DLG2: variants seen among roughly 807,000 people sequenced by gnomAD.
DLG2 encodes disks large homolog 2.
Under a neutral mutation model 132.5 loss-of-function variants are expected in DLG2, and 45 were observed. The ratio of observed to expected loss-of-function variants is 0.34; its 90% CI spans 0.27 to 0.44. DLG2 has a LOEUF of 0.44. DLG2 is among the 20% of genes least tolerant of loss of function. The probability of loss-of-function intolerance (pLI) is 1.00; values close to 1 mark genes in which losing one functional copy is unlikely to be tolerated. For synonymous variants in DLG2, 424 were observed against 419.6 expected (o/e 1.01, Z -0.13); for missense variants, 1,045 against 1,196.9 (o/e 0.87, Z 1.87).
intron 6 of DLG2, among the ~76,000 whole-genome samples, chr11:85,107,421 T>A (rs886586625): frequency 1.3e-5 from 2 of 152,060 alleles, no homozygotes; most frequent in Non-Finnish European, 2.9e-5. Flanking sequence ...TCAAAATGAT[T>A]AAATCCATGC....
At chr11:84,642,645 G>A (rs973190624) in intron 6 of DLG2, among the ~76,000 whole-genome samples, 2 of 152,138 alleles carry the variant, frequency 1.3e-5, no homozygotes, top group African/African-American at 4.8e-5. Context: ...AAGCAGAAGA[G>A]AAGACATGTA....
In DLG2 at chr11:84,043,110, A is replaced by C. The variant is rs573707879; in HGVS notation, c.919+16205T>G. Among the ~76,000 whole-genome samples the C allele has an allele frequency of 7.3e-5, 11 of 151,724 alleles. No homozygotes were observed. In the East Asian group the frequency reaches 1.4e-3, roughly 19 times the overall value. ...TTTATTGCCTAAATAAATTAATTAA[A>C]AATTTATTGCTTAAATTTATTTAAG... On this transcript the variant is annotated intron_variant, in intron 11 of 27. Transcript: ENST00000376104.
intron 17 of DLG2, among the ~76,000 whole-genome samples, 199 bp downstream of exon 17, chr11:83,833,415 G>A (rs1019803668): frequency 6.6e-6 from 1 of 152,128 alleles, no homozygotes; most frequent in Admixed American, 6.5e-5. Flanking sequence ...TCCAGCCTGG[G>A]CAACAGACAG....
intron 6 of DLG2, among the ~76,000 whole-genome samples, chr11:84,801,968 A>C (rs1036918087): frequency 1.3e-5 from 2 of 152,182 alleles, no homozygotes; most frequent in Non-Finnish European, 2.9e-5. Context: ...GCACATTTCT[A>C]AAAAACTGAC....
intron 3 of DLG2, among the ~76,000 whole-genome samples, chr11:85,475,989 T>C (rs767997391): frequency 2.5e-4 from 38 of 152,158 alleles, no homozygotes; most frequent in Non-Finnish European, 2.9e-5. Flanking sequence ...TCTATAGTTA[T>C]GCATTGTTTA....
At chr11:84,231,542 A>AT (rs2097093482) in intron 8 of DLG2, among the ~76,000 whole-genome samples, 1 of 152,170 alleles carries the variant, frequency 6.6e-6, no homozygotes, top group African/African-American at 2.4e-5. Flanking sequence ...AAGAAGGGCT[A>AT]TTGTGTTCAT....
At chr11:84,181,929 T>C (rs35758479) in intron 8 of DLG2, among the ~76,000 whole-genome samples, 9,708 of 152,228 alleles carry the variant, frequency 0.064, 382 homozygotes, top group African/African-American at 0.097. Flanking sequence ...ACTATTATAG[T>C]TGGAGACTTG....
intron 7 of DLG2, among the ~76,000 whole-genome samples, chr11:84,433,690 G>C (rs1001053407): frequency 2.0e-5 from 3 of 152,126 alleles, no homozygotes; most frequent in African/African-American, 7.2e-5. Context: ...TTCAAAAAGA[G>C]AGCACATGTA....
intron 21 of DLG2, among the ~76,000 whole-genome samples, chr11:83,502,223 T>C (rs2139174279): frequency 6.6e-6 from 1 of 152,242 alleles, no homozygotes; most frequent in South Asian, 2.1e-4. Flanking sequence ...TAGAGAAAGG[T>C]TGAGTCACTT....
chr11:85,222,234 G>A (rs1338512893), intron 4 of DLG2, among the ~76,000 whole-genome samples: 1 of 151,918 alleles, frequency 6.6e-6, no homozygotes, highest in Non-Finnish European at 1.5e-5. Flanking sequence ...CCAAAGTTCT[G>A]GTATTACAGG....
At chr11:84,169,963 G>A (rs1015236639) in intron 8 of DLG2, among the ~76,000 whole-genome samples, 3 of 151,526 alleles carry the variant, frequency 2.0e-5, no homozygotes, top group African/African-American at 7.3e-5. Flanking sequence ...GCCCAGTATT[G>A]ATCATTATGT....
At chr11:85,391,340 C>T (rs2086781494) in intron 3 of DLG2, among the ~76,000 whole-genome samples, 1 of 152,024 alleles carries the variant, frequency 6.6e-6, no homozygotes, top group Non-Finnish European at 1.5e-5. Context: ...CAGATGGACT[C>T]ACAGCTGAAT....
At chr11:85,285,122 T>C in intron 4 of DLG2, 98 bp downstream of exon 4, 1 of 1,041,388 alleles carries the variant, frequency 9.6e-7, no homozygotes, top group Non-Finnish European at 1.4e-6. Context: ...ATTATTGTTG[T>C]TGCCATTTGT....
intron 3 of DLG2, among the ~76,000 whole-genome samples, chr11:85,562,390 T>C (rs947011383): frequency 9.2e-5 from 14 of 151,962 alleles, no homozygotes; most frequent in Admixed American, 6.6e-4. Context: ...ACCATTTGTA[T>C]TGACCATTCG....
At chr11:83,602,808 T>A (rs996458057) in intron 19 of DLG2, among the ~76,000 whole-genome samples, 3 of 152,216 alleles carry the variant, frequency 2.0e-5, no homozygotes, top group Non-Finnish European at 4.4e-5. Context: ...GATGTGATAT[T>A]GCTGACAAAA....
intron 6 of DLG2, among the ~76,000 whole-genome samples, chr11:84,814,581 G>C (rs1256103337): frequency 2.0e-5 from 3 of 151,948 alleles, no homozygotes; most frequent in Admixed American, 6.6e-5. Context: ...TTCATACTCT[G>C]AAACACCTTA....
chr11:85,440,964 T>C (rs1367561973), intron 3 of DLG2, among the ~76,000 whole-genome samples: 2 of 152,212 alleles, frequency 1.3e-5, no homozygotes, highest in Non-Finnish European at 2.9e-5. Flanking sequence ...TCCATTTGAC[T>C]CAGCTGTTTT....
At chr11:85,094,069 G>A (rs1016841630) in intron 6 of DLG2, among the ~76,000 whole-genome samples, 6 of 152,126 alleles carry the variant, frequency 3.9e-5, no homozygotes, top group Non-Finnish European at 8.8e-5. Context: ...TTCAACTTTA[G>A]GATTTTAATC....
chr11:83,493,368 C>CTTCA (rs1289828231), intron 21 of DLG2, among the ~76,000 whole-genome samples: 1 of 145,644 alleles, frequency 6.9e-6, no homozygotes, highest in African/African-American at 2.6e-5. Flanking sequence ...TCCTTCCTTC[C>CTTCA]TTCCTTCCTT....
Sources: gnomAD v4.1 joint callset for allele counts (sites outside exome capture counted in the v4.1 genomes callset) on GRCh38, gnomAD v4.1.1 for gene constraint, MANE v1.5 for transcripts, NCBI Gene and HGNC (gene_info 2026-07-23, HGNC 2026-07-21) for gene names.